The following TBCK variants were observed in gnomAD, a reference collection of about 807,000 sequenced individuals.
TBCK encodes TBC domain-containing protein kinase-like protein.
Under a neutral mutation model 113.4 loss-of-function variants are expected in TBCK, and 99 were observed. That is an observed-to-expected ratio of 0.87 (90% CI 0.74 to 1.03). The LOEUF is 1.03. Among genes scored for constraint, TBCK ranks in the 50% least tolerant of loss-of-function variants. The probability of loss-of-function intolerance (pLI) is 0.00; values close to 1 mark genes in which losing one functional copy is unlikely to be tolerated. For synonymous variants in TBCK, 369 were observed against 370.8 expected (o/e 1.00, Z 0.05); for missense variants, 1,045 against 1,061.3 (o/e 0.98, Z 0.21).
intron 2 of TBCK, among the ~76,000 whole-genome samples, chr4:106,305,475 C>G (rs745478815): frequency 6.6e-6 from 1 of 151,684 alleles, no homozygotes; most frequent in Non-Finnish European, 1.5e-5. Flanking sequence ...GTCCTTTATC[C>G]CACCAAAACC....
intron 7 of TBCK, among the ~76,000 whole-genome samples, chr4:106,249,878 T>C (rs1192419235): frequency 6.6e-6 from 1 of 152,164 alleles, no homozygotes; most frequent in Non-Finnish European, 1.5e-5. Flanking sequence ...AAGTGTTCTA[T>C]CACTGTTTTT....
At chr4:106,179,019 G>A (rs1206095162) in intron 22 of TBCK, among the ~76,000 whole-genome samples, 1 of 151,910 alleles carries the variant, frequency 6.6e-6, no homozygotes, top group Non-Finnish European at 1.5e-5. Context: ...CAACTTGTTA[G>A]TGTATAGTTG....
intron 24 of TBCK, among the ~76,000 whole-genome samples, chr4:106,108,959 C>T (rs529293106): frequency 3.7e-4 from 55 of 150,520 alleles, no homozygotes; most frequent in African/African-American, 1.3e-3. Context: ...TATACACCAA[C>T]GACAACCAAC....
Position 106,316,118 on chromosome 4 carries a change from G to A in TBCK, c.-217C>T, listed in dbSNP as rs1009359574. 12 of 156,116 alleles carry A rather than the reference G, an allele frequency of 7.7e-5. No homozygotes were observed. Among genetic ancestry groups the A allele is most frequent in the African/African-American group, 2.6e-4 (11 of 41,590 alleles). The allele number at this position is 156,116 out of a possible 1,614,324, so 9.7% of individuals were successfully genotyped here. ...AGCTCAGACGCTGCCCTTTGCTCGC[G>A]AGCCAAGTCAGCCAAGGTTAACCTT... is the stretch of plus-strand genomic sequence containing the variant. On this transcript the variant is annotated 5_prime_UTR_variant, in exon 1 of 26. Transcript: ENST00000394708.
intron 23 of TBCK, among the ~76,000 whole-genome samples, chr4:106,121,938 C>G (rs1487819279): frequency 3.3e-5 from 5 of 152,022 alleles, no homozygotes; most frequent in East Asian, 1.9e-4. Flanking sequence ...ATCTAAAATT[C>G]ACACCCTAAC....
At chr4:106,259,186 A>G (rs1213323599) in intron 5 of TBCK, among the ~76,000 whole-genome samples, 1 of 151,924 alleles carries the variant, frequency 6.6e-6, no homozygotes, top group Admixed American at 6.5e-5. Flanking sequence ...ACAGTCATAA[A>G]CTTAAAAAAT....
upstream of TBCK, chr4:106,316,626 G>C (rs1446824557): frequency 1.9e-6 from 3 of 1,549,192 alleles, no homozygotes; most frequent in Middle Eastern, 1.7e-4. Flanking sequence ...CACTCACTCG[G>C]GGATCGCCGA....
At chr4:106,046,975 C>A (rs1734288234) in intron 25 of TBCK, among the ~76,000 whole-genome samples, 1 of 152,264 alleles carries the variant, frequency 6.6e-6, no homozygotes, top group Non-Finnish European at 1.5e-5. Context: ...AAAGGGTATA[C>A]AATGAGAAGT....
chr4:106,154,612 T>G (rs1368382014), intron 23 of TBCK, among the ~76,000 whole-genome samples: 1 of 152,094 alleles, frequency 6.6e-6, no homozygotes, highest in Non-Finnish European at 1.5e-5. Context: ...GTGTAAAGTA[T>G]GTAGCATCTC....
chr4:106,241,174 AG>A (rs1760079224), intron 12 of TBCK, among the ~76,000 whole-genome samples: 1 of 151,928 alleles, frequency 6.6e-6, no homozygotes. Context: ...TATATACAAG[AG>A]CAATAATAAA....
At chr4:106,189,489 C>A (rs1409137250) in intron 22 of TBCK, among the ~76,000 whole-genome samples, 1 of 151,924 alleles carries the variant, frequency 6.6e-6, no homozygotes, top group East Asian at 1.9e-4. Flanking sequence ...TTTCACTGAA[C>A]AACTGTGTAC....
chr4:106,072,860 T>C (rs1276176434), intron 25 of TBCK, among the ~76,000 whole-genome samples: 1 of 152,198 alleles, frequency 6.6e-6, no homozygotes, highest in Non-Finnish European at 1.5e-5. Flanking sequence ...CTTCAATCAC[T>C]GATACGCTTC....
intron 25 of TBCK, among the ~76,000 whole-genome samples, chr4:106,049,463 A>G (rs1359077523): frequency 6.6e-6 from 1 of 152,062 alleles, no homozygotes; most frequent in East Asian, 1.9e-4. Context: ...CAGTTGCTAT[A>G]CTTATCAGAC....
chr4:106,161,861 T>C (rs1283743034), intron 23 of TBCK, among the ~76,000 whole-genome samples: 1 of 152,116 alleles, frequency 6.6e-6, no homozygotes, highest in Non-Finnish European at 1.5e-5. Flanking sequence ...ACACAAATGC[T>C]ATGATTCCAT....
intron 23 of TBCK, among the ~76,000 whole-genome samples, chr4:106,157,229 A>T (rs1749236207): frequency 6.6e-6 from 1 of 151,802 alleles, no homozygotes; most frequent in East Asian, 1.9e-4. Flanking sequence ...TAAGACAGAG[A>T]CCTCTTTATT....
chr4:106,235,478 T>C lies in TBCK; in HGVS notation c.1351-111A>G, dbSNP rs7693448. On this transcript the variant is annotated intron_variant, in intron 14 of 25. Coordinates refer to ENST00000394708, the MANE Select transcript of TBCK (RefSeq NM_001163435.3). ...AAACTTAAGTGACTTGCAATAAATT[T>C]CAAAGTATGTGCAATTATTGTGTCT... is the stretch of plus-strand genomic sequence containing the variant. 355,003 of 570,026 alleles carry C rather than the reference T, an allele frequency of 0.62. 111,513 individuals carry two copies. Among genetic ancestry groups the C allele is most frequent in the Non-Finnish European group, 0.65 (228,012 of 351,848 alleles). The allele number at this position is 570,026 out of a possible 1,614,324, so 35.3% of individuals were successfully genotyped here.
rs181744204 is a variant in TBCK at position 106,189,006 on chromosome 4, C to A, written c.2059+4603G>T. Reference sequence around the variant, plus strand: ...AATAATGCAGTATTTCCACCACAAACAAGACTGACATAACCTGAGGTTTTA... The same window carrying A: ...AATAATGCAGTATTTCCACCACAAAAAAGACTGACATAACCTGAGGTTTTA... On this transcript the variant is annotated intron_variant, in intron 22 of 25. Transcript: ENST00000394708. Among the ~76,000 whole-genome samples the A allele has an allele frequency of 2.0e-5, 3 of 152,190 alleles. No homozygotes were observed. The East Asian group carries it at 5.8e-4, about 29-fold the overall frequency.
In TBCK at chr4:106,287,022, A is replaced by AG. The variant is rs567147701; in HGVS notation, c.266+8071dup. 2.0e-3 allele frequency among the ~76,000 whole-genome samples: 312 copies of AG among 152,248 alleles called. 2 individuals carry two copies. The highest frequency in any genetic ancestry group is 7.5e-4 in the Non-Finnish European group (51 of 68,020). ...TAAAAGAAGGACCATATACAGGCAG[A>AG]GGGGGAAATGTGGAGATAAGAGACT... On this transcript the variant is annotated intron_variant, in intron 3 of 25. Coordinates refer to ENST00000394708, the MANE Select transcript of TBCK (RefSeq NM_001163435.3).
intron 20 of TBCK, among the ~76,000 whole-genome samples, chr4:106,208,359 C>A (rs1235894415): frequency 6.6e-6 from 1 of 151,978 alleles, no homozygotes; most frequent in Non-Finnish European, 1.5e-5. Flanking sequence ...CATATACCTA[C>A]CCTTCCCTAA....
Sources: gnomAD v4.1 joint callset for allele counts (sites outside exome capture counted in the v4.1 genomes callset) on GRCh38, gnomAD v4.1.1 for gene constraint, MANE v1.5 for transcripts, NCBI Gene and HGNC (gene_info 2026-07-23, HGNC 2026-07-21) for gene names.